GPRC5D: variants seen among roughly 807,000 people sequenced by gnomAD.
GPRC5D encodes the protein G protein-coupled receptor class C group 5 member D.
In GPRC5D, 20 loss-of-function variants were observed where a neutral mutation model predicts 29.3. The ratio of observed to expected loss-of-function variants is 0.68; its 90% CI spans 0.48 to 0.99. The LOEUF (loss-of-function observed/expected upper bound fraction) is 0.99, where lower values mean the gene tolerates loss of function less well. GPRC5D is among the 50% of genes least tolerant of loss of function. The pLI is 0.00. For synonymous variants in GPRC5D, 178 were observed against 171.3 expected, an observed-to-expected ratio of 1.04 and a Z score of -0.30; for missense variants, 384 against 423.6, an observed-to-expected ratio of 0.91 and a Z score of 0.82.
intron 1 of GPRC5D, among the ~76,000 whole-genome samples, chr12:12,944,794 TTCCTTCCCTTCCTTCCTTCCTTCC>T (rs1863237360): frequency 3.7e-5 from 1 of 26,882 alleles, no homozygotes; most frequent in African/African-American, 6.1e-5. Context: ...CCTTCCTTCC[TTCCTTCCCTTCCTTCCTTCCTTCC>T]TTCCTTCCTT....
At chr12:12,950,389 A>T, upstream of GPRC5D, 2 of 1,590,672 alleles carry the variant, frequency 1.3e-6, no homozygotes, top group Non-Finnish European at 1.7e-6. Flanking sequence ...GTACATGGTG[A>T]CTTATGGGTG....
In GPRC5D at chr12:12,944,850, C is replaced by CTTCTTTCTTTCTTTCT. The variant is rs57581481; in HGVS notation, c.896-2538_896-2523dup. ...CCTTCCTTCCTTCCTTCCTTCCTTC[C>CTTCTTTCTTTCTTTCT]TTCTTTCTTTCTTTCTTTCTTTCTT... On this transcript the variant is annotated intron_variant, in intron 1 of 2. Transcript: ENST00000228887. 1.5e-3 allele frequency among the ~76,000 whole-genome samples: 51 copies of CTTCTTTCTTTCTTTCT among 34,478 alleles called. 5 individuals are homozygous for CTTCTTTCTTTCTTTCT. The highest frequency in any genetic ancestry group is 3.0e-3 in the South Asian group (2 of 658). 22.6% of individuals were successfully genotyped at this position (34,478 alleles called of 152,430 possible). A position where few individuals can be genotyped will look rare whatever the true frequency, so the allele number is the denominator to read the frequency against.
intron 2 of GPRC5D, among the ~76,000 whole-genome samples, chr12:12,941,937 C>T (rs764984493): frequency 1.3e-5 from 2 of 152,300 alleles, no homozygotes; most frequent in East Asian, 1.9e-4. Context: ...GTATTGTCCC[C>T]GAGGCAAAAT....
At chr12:12,951,674 A>G (rs907801432), upstream of GPRC5D, among the ~76,000 whole-genome samples, 1 of 152,236 alleles carries the variant, frequency 6.6e-6, no homozygotes, top group Non-Finnish European at 1.5e-5. Flanking sequence ...CAGTTATATC[A>G]GACTCCAGAA....
exon 1 of GPRC5D, chr12:12,949,962 G>T: frequency 6.2e-7 from 1 of 1,613,810 alleles, no homozygotes. Flanking sequence ...TGGCAATAAT[G>T]ATTTGCAACA....
chr12:12,949,732 A>G, exon 1 of GPRC5D: 1 of 1,614,116 alleles, frequency 6.2e-7, no homozygotes, highest in Non-Finnish European at 8.5e-7. Flanking sequence ...GATCCACACC[A>G]CCCAGATGAT....
chr12:12,950,780 C>A (rs751139036), upstream of GPRC5D, among the ~76,000 whole-genome samples: 1 of 151,932 alleles, frequency 6.6e-6, no homozygotes, highest in Non-Finnish European at 1.5e-5. Context: ...GTACTCCAGC[C>A]TGGGTGACAG....
At chr12:12,946,376 T>C (rs1484360962) in intron 1 of GPRC5D, among the ~76,000 whole-genome samples, 5 of 149,810 alleles carry the variant, frequency 3.3e-5, no homozygotes, top group Admixed American at 2.7e-4. Flanking sequence ...TTTTCTTTCT[T>C]TCTTTCTCTC....
chr12:12,943,342 G>C (rs1863200487), intron 1 of GPRC5D, among the ~76,000 whole-genome samples: 1 of 152,312 alleles, frequency 6.6e-6, no homozygotes, highest in African/African-American at 2.4e-5. Flanking sequence ...TTCATGTTGA[G>C]TGGATGGACC....
intron 1 of GPRC5D, among the ~76,000 whole-genome samples, chr12:12,944,844 TC>T (rs1565477372): frequency 2.3e-4 from 11 of 46,858 alleles, no homozygotes; most frequent in African/African-American, 6.0e-4. Context: ...CTTCCTTCCT[TC>T]CTTCCTTCTT....
chr12:12,942,778 A>G (rs1423438365), intron 1 of GPRC5D, among the ~76,000 whole-genome samples: 4 of 152,182 alleles, frequency 2.6e-5, no homozygotes, highest in African/African-American at 9.6e-5. Context: ...GCTGTTATTG[A>G]AAAACTTTAT....
upstream of GPRC5D, among the ~76,000 whole-genome samples, chr12:12,951,075 A>C (rs1258674765): frequency 1.3e-5 from 2 of 152,162 alleles, no homozygotes. Flanking sequence ...GCACCACTGC[A>C]CTCCAGCCTG....
chr12:12,946,448 CTCTCTCTTTCTCTCTTTCTT>C (rs1295649849), intron 1 of GPRC5D, among the ~76,000 whole-genome samples: 1 of 149,830 alleles, frequency 6.7e-6, no homozygotes, highest in Non-Finnish European at 1.5e-5. Context: ...CTCTCTCTCT[CTCTCTCTTTCTCTCTTTCTT>C]TCTTTCGACG....
At chr12:12,946,415 T>C (rs1372514729) in intron 1 of GPRC5D, among the ~76,000 whole-genome samples, 1 of 42,118 alleles carries the variant, frequency 2.4e-5, no homozygotes, top group African/African-American at 4.3e-5. Context: ...TCTCTCTCTT[T>C]CTCTCTCTCT....
chr12:12,946,181 C>T (rs1034646160), intron 1 of GPRC5D, among the ~76,000 whole-genome samples: 3 of 152,202 alleles, frequency 2.0e-5, no homozygotes, highest in African/African-American at 7.2e-5. Flanking sequence ...TTTCCACCCA[C>T]TATCTTTAGT....
chr12:12,949,422 T>C, intron 1 of GPRC5D, 68 bp downstream of exon 2: 1 of 1,355,450 alleles, frequency 7.4e-7, no homozygotes, highest in Non-Finnish European at 1.0e-6. Flanking sequence ...CTCATCCTAC[T>C]GCATGATTTT....
exon 1 of GPRC5D, chr12:12,949,924 C>G: frequency 1.1e-5 from 18 of 1,612,944 alleles, no homozygotes; most frequent in Non-Finnish European, 1.5e-5. Context: ...CATCATACCT[C>G]TGGTCATGAT....
At chr12:12,942,444 G>A (rs922267917) in intron 1 of GPRC5D, 116 bp from the exon 3 acceptor site, 1 of 700,492 alleles carries the variant, frequency 1.4e-6, no homozygotes, top group Non-Finnish European at 2.5e-6. Flanking sequence ...TCTTTAAAAG[G>A]AATTCTGAGG....
chr12:12,949,577 T>G (rs1405554032), exon 1 of GPRC5D: 3 of 1,614,166 alleles, frequency 1.9e-6, no homozygotes, highest in Non-Finnish European at 2.5e-6. Flanking sequence ...CACTCCTGTC[T>G]ACACGATCTG....
Sources: gnomAD v4.1 joint callset for allele counts (sites outside exome capture counted in the v4.1 genomes callset) on GRCh38, gnomAD v4.1.1 for gene constraint, MANE v1.5 for transcripts, NCBI Gene and HGNC (gene_info 2026-07-23, HGNC 2026-07-21) for gene names.